The following CSMD1 variants were observed in gnomAD, a reference collection of about 807,000 sequenced individuals.
CSMD1 encodes CUB and Sushi multiple domains 1.
CSMD1 carries 213 observed loss-of-function variants against 417.5 expected under a neutral mutation model. The ratio of observed to expected loss-of-function variants is 0.51; its 90% CI spans 0.46 to 0.57. The LOEUF is 0.57. Ranked by LOEUF, CSMD1 falls within the 20% of genes least tolerant of loss-of-function variation. The pLI is 0.00. For synonymous variants in CSMD1, 2,862 were observed against 1,736.8 expected, an observed-to-expected ratio of 1.65 and a Z score of -16.11; for missense variants, 6,923 against 4,529.7, an observed-to-expected ratio of 1.53 and a Z score of -15.17.
At chr8:3,918,141 T>C (rs954058580) in intron 5 of CSMD1, among the ~76,000 whole-genome samples, 2 of 152,148 alleles carry the variant, frequency 1.3e-5, no homozygotes, top group Admixed American at 6.5e-5. Flanking sequence ...TTGCTAATAC[T>C]GCTCCAGTAA....
chr8:3,768,891 C>T (rs1584968236), intron 5 of CSMD1, among the ~76,000 whole-genome samples: 1 of 152,196 alleles, frequency 6.6e-6, no homozygotes, highest in Non-Finnish European at 1.5e-5. Flanking sequence ...AGCACCACTT[C>T]TTTGAAGGAG....
intron 7 of CSMD1, among the ~76,000 whole-genome samples, chr8:3,655,016 A>T (rs998250948): frequency 2.6e-5 from 4 of 152,230 alleles, no homozygotes; most frequent in African/African-American, 9.7e-5. Context: ...ATAACGCTCA[A>T]ATTTTTAAAT....
chr8:4,414,633 A>C (rs1265921641), intron 3 of CSMD1, among the ~76,000 whole-genome samples: 3 of 152,162 alleles, frequency 2.0e-5, no homozygotes, highest in African/African-American at 7.2e-5. Flanking sequence ...GGGTGTGTTC[A>C]CTAGAAAGAA....
At chr8:4,492,810 C>G (rs962780243) in intron 2 of CSMD1, among the ~76,000 whole-genome samples, 3 of 152,166 alleles carry the variant, frequency 2.0e-5, no homozygotes, top group Non-Finnish European at 2.9e-5. Context: ...TCAGAGCACA[C>G]AGTAATTTAC....
At chr8:3,301,383 G>A (rs1040347548) in intron 25 of CSMD1, among the ~76,000 whole-genome samples, 7 of 152,088 alleles carry the variant, frequency 4.6e-5, no homozygotes, top group African/African-American at 1.4e-4. Flanking sequence ...AAGTGTGGGA[G>A]CTAGTGAAAC....
At chr8:4,448,008 T>C (rs941806147) in intron 2 of CSMD1, among the ~76,000 whole-genome samples, 1 of 152,180 alleles carries the variant, frequency 6.6e-6, no homozygotes. Flanking sequence ...GGGCAGGTGG[T>C]AAAACTAAAA....
intron 12 of CSMD1, among the ~76,000 whole-genome samples, chr8:3,439,153 C>CAAAAAAAAAAAAA (rs1563390140): frequency 2.5e-5 from 1 of 39,888 alleles, no homozygotes; most frequent in Admixed American, 3.9e-4. Flanking sequence ...AAAAAAAAAA[C>CAAAAAAAAAAAAA]CAAGAAAAAA....
chr8:3,499,200 G>A lies in CSMD1; in HGVS notation c.1345-5474C>T, dbSNP rs187948516. 9.0e-4 allele frequency among the ~76,000 whole-genome samples: 137 copies of A among 152,218 alleles called. 2 individuals carry two copies. Among genetic ancestry groups the A allele is most frequent in the African/African-American group, 3.0e-3 (123 of 41,530 alleles). On this transcript the variant is annotated intron_variant, in intron 10 of 69. Coordinates refer to ENST00000635120, the MANE Select transcript of CSMD1 (RefSeq NM_033225.6). ...TAGTGTCAGTTGGGTAGGGTGCTTT[G>A]GTTTGTATTCTGCATGAGTACAGTA...
chr8:4,371,048 G>A (rs1008246230), intron 3 of CSMD1, among the ~76,000 whole-genome samples: 1 of 152,196 alleles, frequency 6.6e-6, no homozygotes, highest in Non-Finnish European at 1.5e-5. Context: ...CTTTTGTGAA[G>A]GCTAATCATC....
chr8:3,381,653 AC>A (rs1810634410), intron 18 of CSMD1, among the ~76,000 whole-genome samples: 1 of 152,186 alleles, frequency 6.6e-6, no homozygotes, highest in Non-Finnish European at 1.5e-5. Flanking sequence ...TCCTTCTGAC[AC>A]TAAAAATTAT....
At chr8:4,697,274 G>C (rs554282420) in intron 1 of CSMD1, among the ~76,000 whole-genome samples, 4 of 152,178 alleles carry the variant, frequency 2.6e-5, no homozygotes, top group African/African-American at 9.6e-5. Context: ...CATATAGCAA[G>C]ACAAGATGAA....
intron 7 of CSMD1, among the ~76,000 whole-genome samples, chr8:3,691,843 G>C (rs547632991): frequency 2.9e-4 from 44 of 152,266 alleles, no homozygotes; most frequent in African/African-American, 1.0e-3. Flanking sequence ...AAGAGAGTCT[G>C]TAACTTGAAT....
At chr8:4,309,690 G>C (rs908360410) in intron 3 of CSMD1, among the ~76,000 whole-genome samples, 3 of 151,972 alleles carry the variant, frequency 2.0e-5, no homozygotes, top group Non-Finnish European at 4.4e-5. Flanking sequence ...CATTTTTTTA[G>C]ATTTTACTCT....
intron 2 of CSMD1, among the ~76,000 whole-genome samples, chr8:4,545,993 C>T (rs1797613270): frequency 6.6e-6 from 1 of 152,170 alleles, no homozygotes; most frequent in Non-Finnish European, 1.5e-5. Flanking sequence ...TGACCCCCTT[C>T]TACTGCATTC....
chr8:4,844,749 C>A (rs1801033355), intron 1 of CSMD1, among the ~76,000 whole-genome samples: 1 of 152,210 alleles, frequency 6.6e-6, no homozygotes, highest in African/African-American at 2.4e-5. Context: ...AAAACCATCT[C>A]AGTGATAAGC....
At chr8:3,036,678 A>G (rs1357255717) in intron 50 of CSMD1, among the ~76,000 whole-genome samples, 1 of 152,062 alleles carries the variant, frequency 6.6e-6, no homozygotes, top group East Asian at 1.9e-4. Flanking sequence ...TTGGGTAAAA[A>G]ATAAATATAA....
At chr8:4,001,995 C>A (rs1815716141) in intron 4 of CSMD1, among the ~76,000 whole-genome samples, 2 of 151,676 alleles carry the variant, frequency 1.3e-5, no homozygotes, top group Admixed American at 6.6e-5. Flanking sequence ...AGAATCAGGC[C>A]AAAATAATAT....
chr8:3,692,012 T>C (rs1470590123), intron 7 of CSMD1, among the ~76,000 whole-genome samples: 2 of 152,210 alleles, frequency 1.3e-5, no homozygotes, highest in Admixed American at 6.5e-5. Context: ...GCTGGGCATC[T>C]GGTCTCATCA....
intron 2 of CSMD1, among the ~76,000 whole-genome samples, chr8:4,447,911 C>T (rs536496721): frequency 2.1e-4 from 32 of 152,278 alleles, no homozygotes; most frequent in Admixed American, 5.9e-4. Context: ...ACTCATCTTT[C>T]GGAAATGACG....
Sources: gnomAD v4.1 joint callset for allele counts (sites outside exome capture counted in the v4.1 genomes callset) on GRCh38, gnomAD v4.1.1 for gene constraint, MANE v1.5 for transcripts, NCBI Gene and HGNC (gene_info 2026-07-23, HGNC 2026-07-21) for gene names.